LONRF1: variants seen among roughly 807,000 people sequenced by gnomAD.
LONRF1 encodes the protein LON peptidase N-terminal domain and ring finger 1, also known as LON peptidase N-terminal domain and RING finger protein 1.
In LONRF1, 37 loss-of-function variants were observed where a neutral mutation model predicts 85.8. The ratio of observed to expected loss-of-function variants is 0.43; its 90% CI spans 0.33 to 0.57. The LOEUF is 0.57. Ranked by LOEUF, LONRF1 falls within the 20% of genes least tolerant of loss-of-function variation. The pLI is 0.04. For missense variants in LONRF1, 1,036 were observed against 978.0 expected, an observed-to-expected ratio of 1.06 and a Z score of -0.79; for synonymous variants, 517 against 390.1, an observed-to-expected ratio of 1.33 and a Z score of -3.83.
intron 1 of LONRF1, among the ~76,000 whole-genome samples, chr8:12,747,711 G>A (rs1563156681): frequency 6.6e-6 from 1 of 152,038 alleles, no homozygotes; most frequent in South Asian, 2.1e-4. Context: ...TTAAAACAGA[G>A]AGGGCTGTCT....
At chr8:12,731,704 G>C (rs773388758) in intron 8 of LONRF1, 32 bp downstream of exon 8, 1 of 1,590,962 alleles carries the variant, frequency 6.3e-7, no homozygotes, top group South Asian at 1.1e-5. Flanking sequence ...AAGGGTAGTA[G>C]TTCATAATTT....
At chr8:12,740,066 C>A (rs1798871033) in intron 3 of LONRF1, among the ~76,000 whole-genome samples, 1 of 151,964 alleles carries the variant, frequency 6.6e-6, no homozygotes. Context: ...GTTGGTGGGC[C>A]CAGGACTCTT....
At chr8:12,741,347 G>A (rs1300411830) in intron 2 of LONRF1, among the ~76,000 whole-genome samples, 5 of 152,152 alleles carry the variant, frequency 3.3e-5, no homozygotes, top group Admixed American at 1.3e-4. Context: ...TCACACCAAT[G>A]CACTCCAGCC....
chr8:12,729,213 G>C lies in LONRF1; in HGVS notation c.1808C>G (p.Thr603Ser). ...ACTGACACACATGCCAAACTGTTTG[G>C]TTCCAGTCTGTATACTTCTTCGAAT... ...LMIRRSIQTG[T>S]KQFGMCVSDT... The change falls in exon 9 of 12, where the codon ACC becomes AGC. Residue 603 changes from threonine (T) to serine (S), a missense_variant. By Grantham distance (58) the Thr-to-Ser change is moderately conservative (BLOSUM62 1). This residue lies in a region of LONRF1 where 265 missense variants were observed against 301.5 expected (regional missense o/e 0.88). Coordinates refer to ENST00000398246, the MANE Select transcript of LONRF1 (RefSeq NM_152271.5). 1.2e-6 allele frequency: 2 copies of C among 1,613,904 alleles called. No homozygotes were observed. The highest frequency in any genetic ancestry group is 1.7e-6 in the Non-Finnish European group (2 of 1,179,890).
rs562390465 is a variant in LONRF1, at chr8:12,748,097, C to A, written c.722-4815G>T. 7.2e-5 allele frequency among the ~76,000 whole-genome samples: 11 copies of A among 152,262 alleles called. No individual in the cohort carries two copies. In the South Asian group the frequency reaches 2.1e-3, roughly 29 times the overall value. On this transcript the variant is annotated intron_variant, in intron 1 of 11. Transcript: ENST00000398246. Reference sequence around the variant, plus strand: ...TTCCTACTCTGCAATTAAGTTACTTCCAACTTTTGGCAGTATAAAAAGTAT... The same window carrying A: ...TTCCTACTCTGCAATTAAGTTACTTACAACTTTTGGCAGTATAAAAAGTAT...
At chr8:12,740,851 G>A (rs780421274) in intron 3 of LONRF1, 23 bp downstream of exon 3, 3 of 1,610,064 alleles carry the variant, frequency 1.9e-6, no homozygotes, top group African/African-American at 1.3e-5. Context: ...ACCATGAACT[G>A]TAATTGTTGG....
chr8:12,750,567 C>A (rs1189694554), intron 1 of LONRF1, among the ~76,000 whole-genome samples: 1 of 152,250 alleles, frequency 6.6e-6, no homozygotes, highest in East Asian at 1.9e-4. Flanking sequence ...TAACTGAAAC[C>A]ACAAATAAGG....
At chr8:12,730,579 T>G (rs1563138505) in intron 8 of LONRF1, among the ~76,000 whole-genome samples, 1 of 152,192 alleles carries the variant, frequency 6.6e-6, no homozygotes, top group Non-Finnish European at 1.5e-5. Context: ...GTCCTTTGAG[T>G]CTACCACTCT....
At chr8:12,754,564 G>T (rs935869089) in intron 1 of LONRF1, 136 bp downstream of exon 1, 5 of 1,039,416 alleles carry the variant, frequency 4.8e-6, no homozygotes, top group Non-Finnish European at 6.1e-6. Context: ...AGCACCCCGA[G>T]ACCCGACACG....
In LONRF1 at chr8:12,754,900, C is replaced by T; in HGVS notation, c.521G>A (p.Gly174Glu). 2.0e-6 allele frequency: 3 copies of T among 1,488,966 alleles called. No individual in the cohort carries two copies. Among genetic ancestry groups the T allele is most frequent in the South Asian group, 1.3e-5 (1 of 78,966 alleles). The allele number at this position is 1,488,966 out of a possible 1,614,324, so 92.2% of individuals were successfully genotyped here. The change falls in exon 1 of 12, where the codon GGG becomes GAG. Residue 174 changes from glycine (G) to glutamate (E), a missense_variant. Around this residue, in one of 3 missense-constraint regions of LONRF1, gnomAD observed 742 missense variants for 614.4 expected, o/e 1.21. Coordinates refer to ENST00000398246, the MANE Select transcript of LONRF1 (RefSeq NM_152271.5). ...PATASATDAE[G>E]TAPRPPPLAA... Reference sequence around the variant, plus strand: ...CAGAGGCGGCGGCCGCGGGGCGGTCCCTTCAGCATCAGTGGCACTGGCGGT... The same window carrying T: ...CAGAGGCGGCGGCCGCGGGGCGGTCTCTTCAGCATCAGTGGCACTGGCGGT...
chr8:12,729,327 G>C lies in LONRF1; in HGVS notation c.1694C>G (p.Thr565Ser). The C allele has an allele frequency of 6.2e-7, 1 of 1,613,080 alleles. No individual in the cohort carries two copies. ...GCAAACAAATATTGGAACATTCTTGGTCAAGCTAAGGGAAAAACAGTTTAA... is the reference window on the plus strand; with the variant it reads ...GCAAACAAATATTGGAACATTCTTGCTCAAGCTAAGGGAAAAACAGTTTAA... ...DEETAELSHL[T>S]KNVPIFVCTM... Residue 565 changes from threonine to serine, a missense_variant, in exon 9 of 12, where the codon ACC becomes AGC. Physicochemically the swap from Thr to Ser is moderately conservative, Grantham distance 58 (BLOSUM62 1). Around this residue, in one of 3 missense-constraint regions of LONRF1, gnomAD observed 265 missense variants for 301.5 expected, o/e 0.88. Transcript: ENST00000398246.
At chr8:12,723,445 A>G (rs1324217151) in intron 11 of LONRF1, among the ~76,000 whole-genome samples, 191 bp from the exon 12 acceptor site, 1 of 152,252 alleles carries the variant, frequency 6.6e-6, no homozygotes, top group East Asian at 1.9e-4. Context: ...CAAATTGTCC[A>G]AGATCTCTTG....
rs369211391 is a variant in LONRF1 at position 12,743,155 on chromosome 8, T to G, written c.840+9A>C. ...TACAATTTATGCAAACATAAAACAG[T>G]AATTTTACCTCAGGCCAATCTGGAA... On this transcript the variant is annotated intron_variant, in intron 2 of 11. Coordinates refer to ENST00000398246, the MANE Select transcript of LONRF1 (RefSeq NM_152271.5). 1.2e-5 allele frequency: 19 copies of G among 1,535,432 alleles called. No homozygotes were observed. The highest frequency in any genetic ancestry group is 4.1e-5 in the African/African-American group (3 of 73,334).
chr8:12,746,888 G>C lies in LONRF1; in HGVS notation c.722-3606C>G, dbSNP rs187703399. ...TCTCTACCCCAAGGCTTACTCTAGA[G>C]AGTAAGTTAATCGGTGCATAGTACT... On this transcript the variant is annotated intron_variant, in intron 1 of 11. Transcript: ENST00000398246. Among the ~76,000 whole-genome samples, 7 of 152,318 alleles carry C rather than the reference G, an allele frequency of 4.6e-5. No homozygotes were observed. In the East Asian group the frequency reaches 1.4e-3, roughly 29 times the overall value.
intron 1 of LONRF1, among the ~76,000 whole-genome samples, chr8:12,744,811 A>G (rs1453058682): frequency 6.6e-6 from 1 of 151,986 alleles, no homozygotes; most frequent in Non-Finnish European, 1.5e-5. Flanking sequence ...CTTGAGACAG[A>G]CTCCGCTCTA....
chr8:12,726,659 C>T (rs1290562789), intron 10 of LONRF1, among the ~76,000 whole-genome samples: 1 of 152,208 alleles, frequency 6.6e-6, no homozygotes, highest in East Asian at 1.9e-4. Context: ...TGCACACTTA[C>T]ATCCCACTTG....
At chr8:12,730,636 A>G (rs1236223372) in intron 8 of LONRF1, among the ~76,000 whole-genome samples, 1 of 152,240 alleles carries the variant, frequency 6.6e-6, no homozygotes, top group Non-Finnish European at 1.5e-5. Context: ...TTTCAAAAGC[A>G]GAAATGCAGT....
At chr8:12,744,670 C>G (rs926902140) in intron 1 of LONRF1, among the ~76,000 whole-genome samples, 10 of 152,084 alleles carry the variant, frequency 6.6e-5, no homozygotes, top group African/African-American at 2.4e-4. Context: ...GGTGAGAAAA[C>G]AGAGCAGCGT....
At chr8:12,731,214 C>T (rs1260166534) in intron 8 of LONRF1, among the ~76,000 whole-genome samples, 1 of 152,082 alleles carries the variant, frequency 6.6e-6, no homozygotes, top group African/African-American at 2.4e-5. Flanking sequence ...AGATTTTCAC[C>T]CTCCCGACAC....
Sources: allele counts gnomAD v4.1 joint callset (sites outside exome capture counted in the v4.1 genomes callset), GRCh38; gene constraint gnomAD v4.1.1; regional missense constraint gnomAD v4.1.1; transcripts MANE v1.5; gene names NCBI Gene and HGNC (gene_info 2026-07-23, HGNC 2026-07-21).